The following PARD3 variants were observed in gnomAD, a reference collection of about 807,000 sequenced individuals.
The protein encoded by PARD3 is par-3 family cell polarity regulator, also known as partitioning defective 3 homolog.
Under a neutral mutation model 155.4 loss-of-function variants are expected in PARD3, and 75 were observed. That is an observed-to-expected ratio of 0.48 (90% CI 0.40 to 0.58). The LOEUF is 0.58. Among genes scored for constraint, PARD3 ranks in the 20% least tolerant of loss-of-function variants. The pLI, the probability that PARD3 is intolerant of heterozygous loss-of-function variation, is 0.00. For synonymous variants in PARD3, 576 were observed against 610.5 expected, an observed-to-expected ratio of 0.94 and a Z score of 0.83; for missense variants, 1,642 against 1,721.7, an observed-to-expected ratio of 0.95 and a Z score of 0.82.
intron 21 of PARD3, among the ~76,000 whole-genome samples, chr10:34,272,344 A>T (rs1041470065): frequency 6.6e-6 from 1 of 152,216 alleles, no homozygotes; most frequent in Non-Finnish European, 1.5e-5. Context: ...TCCTCTGTGA[A>T]AAGCTCTAAT....
intron 4 of PARD3, among the ~76,000 whole-genome samples, chr10:34,458,687 G>A (rs779682350): frequency 4.6e-5 from 7 of 152,110 alleles, no homozygotes; most frequent in Non-Finnish European, 1.0e-4. Flanking sequence ...TGCAGAAAGA[G>A]GTGAGGAGGA....
At chr10:34,252,368 G>C (rs1019708818) in intron 22 of PARD3, among the ~76,000 whole-genome samples, 2 of 151,544 alleles carry the variant, frequency 1.3e-5, no homozygotes, top group Admixed American at 1.3e-4. Context: ...ATTTGCCTGG[G>C]CTGCCAACCA....
intron 1 of PARD3, among the ~76,000 whole-genome samples, chr10:34,761,229 G>A (rs955366608): frequency 2.0e-5 from 3 of 151,856 alleles, no homozygotes; most frequent in African/African-American, 7.3e-5. Context: ...TGGCCAACAT[G>A]GTGAACTTCC....
chr10:34,410,100 C>T (rs180804388), intron 5 of PARD3, among the ~76,000 whole-genome samples: 1 of 152,092 alleles, frequency 6.6e-6, no homozygotes, highest in African/African-American at 2.4e-5. Flanking sequence ...ACTAGGTGCT[C>T]AACACCACCC....
At chr10:34,312,233 AAAC>A (rs1957738397) in intron 20 of PARD3, 4 of 1,567,696 alleles carry the variant, frequency 2.6e-6, no homozygotes, top group Non-Finnish European at 3.5e-6. Flanking sequence ...CTGATGTCGT[AAAC>A]AAAATTCGTC....
chr10:34,266,906 A>G (rs912095102), intron 22 of PARD3, among the ~76,000 whole-genome samples: 1 of 152,128 alleles, frequency 6.6e-6, no homozygotes. Flanking sequence ...GTAGGGCACT[A>G]TGATTTAAAC....
At chr10:34,482,614 A>T (rs2079156583) in intron 3 of PARD3, among the ~76,000 whole-genome samples, 1 of 152,198 alleles carries the variant, frequency 6.6e-6, no homozygotes, top group East Asian at 1.9e-4. Context: ...CCCAGATGAA[A>T]ATAACTAAAG....
At chr10:34,166,338 C>A (rs1293495933) in intron 22 of PARD3, among the ~76,000 whole-genome samples, 1 of 151,950 alleles carries the variant, frequency 6.6e-6, no homozygotes, top group Non-Finnish European at 1.5e-5. Context: ...CAGGCCTGGG[C>A]GAGGTGGCTC....
At chr10:34,496,011 T>C (rs2080258141) in intron 3 of PARD3, among the ~76,000 whole-genome samples, 2 of 151,978 alleles carry the variant, frequency 1.3e-5, no homozygotes, top group African/African-American at 2.4e-5. Context: ...GAGACCAGCC[T>C]GGGCAATATG....
intron 22 of PARD3, among the ~76,000 whole-genome samples, chr10:34,217,516 C>T (rs768545012): frequency 6.6e-6 from 1 of 152,076 alleles, no homozygotes; most frequent in East Asian, 1.9e-4. Flanking sequence ...GGTGCGATCC[C>T]ACTTCATGGA....
intron 3 of PARD3, among the ~76,000 whole-genome samples, chr10:34,473,777 C>T (rs2078518242): frequency 6.6e-6 from 1 of 152,202 alleles, no homozygotes; most frequent in African/African-American, 2.4e-5. Context: ...CCAGTTACTA[C>T]TCCTTTCCTA....
chr10:34,578,736 A>C (rs542193328), intron 2 of PARD3, among the ~76,000 whole-genome samples: 2 of 152,318 alleles, frequency 1.3e-5, no homozygotes, highest in African/African-American at 4.8e-5. Context: ...CAGTGTTTCC[A>C]ACTTCTCAAA....
intron 20 of PARD3, among the ~76,000 whole-genome samples, chr10:34,299,446 T>C (rs1294467232): frequency 6.6e-6 from 1 of 152,232 alleles, no homozygotes; most frequent in Non-Finnish European, 1.5e-5. Flanking sequence ...ATCAGACGGC[T>C]GTCCACCAGC....
intron 22 of PARD3, among the ~76,000 whole-genome samples, chr10:34,132,250 A>T (rs1187663963): frequency 6.6e-6 from 1 of 152,194 alleles, no homozygotes; most frequent in East Asian, 1.9e-4. Context: ...CTTTTTGTAT[A>T]GTATTGAATT....
intron 2 of PARD3, among the ~76,000 whole-genome samples, chr10:34,623,091 G>T (rs1340423148): frequency 6.6e-6 from 1 of 152,146 alleles, no homozygotes; most frequent in Admixed American, 6.5e-5. Flanking sequence ...GAAAAGTGAT[G>T]AAATTGCAAA....
At chr10:34,707,200 G>A (rs12246985) in intron 1 of PARD3, among the ~76,000 whole-genome samples, 6,443 of 151,226 alleles carry the variant, frequency 0.043, 471 homozygotes, top group African/African-American at 0.15. Flanking sequence ...AAGCAGTGGC[G>A]TGCCACTGCA....
chr10:34,808,564 T>C (rs1843685381), intron 1 of PARD3, among the ~76,000 whole-genome samples: 1 of 152,142 alleles, frequency 6.6e-6, no homozygotes, highest in Non-Finnish European at 1.5e-5. Context: ...TGTGTGGGCT[T>C]AGCATGCCAT....
chr10:34,233,709 G>A (rs1431614117), intron 22 of PARD3, among the ~76,000 whole-genome samples: 1 of 151,962 alleles, frequency 6.6e-6, no homozygotes, highest in East Asian at 1.9e-4. Context: ...GGTCCTATAG[G>A]CTCTAGGTTT....
At chr10:34,229,430 T>C (rs1952796598) in intron 22 of PARD3, among the ~76,000 whole-genome samples, 1 of 151,986 alleles carries the variant, frequency 6.6e-6, no homozygotes, top group Non-Finnish European at 1.5e-5. Context: ...AATTTTATTC[T>C]AGTGATAGGG....
Sources: allele counts gnomAD v4.1 joint callset (sites outside exome capture counted in the v4.1 genomes callset), GRCh38; gene constraint gnomAD v4.1.1; transcripts MANE v1.5; gene names NCBI Gene and HGNC (gene_info 2026-07-23, HGNC 2026-07-21).